The following TNRC6B variants were observed in gnomAD, a reference collection of about 807,000 sequenced individuals.
TNRC6B encodes the protein trinucleotide repeat containing adaptor 6B, also known as trinucleotide repeat-containing gene 6B protein.
Under a neutral mutation model 203.6 loss-of-function variants are expected in TNRC6B, and 52 were observed. That is an observed-to-expected ratio of 0.26 (90% CI 0.20 to 0.32). The LOEUF (loss-of-function observed/expected upper bound fraction) is 0.32, where lower values mean the gene tolerates loss of function less well. TNRC6B is among the 10% of genes least tolerant of loss of function. The pLI, the probability that TNRC6B is intolerant of heterozygous loss-of-function variation, is 1.00. For synonymous variants in TNRC6B, 838 were observed against 845.7 expected (o/e 0.99, Z 0.16); for missense variants, 1,923 against 2,286.2 (o/e 0.84, Z 3.24).
At chr22:40,093,598 A>AGT (rs1225412729) in intron 1 of TNRC6B, among the ~76,000 whole-genome samples, 9 of 152,244 alleles carry the variant, frequency 5.9e-5, no homozygotes, top group Non-Finnish European at 1.5e-5. Context: ...TCATCGTCAA[A>AGT]GTGCTGGAAG....
chr22:40,334,100 C>G lies in TNRC6B; in HGVS notation c.*10859C>G, dbSNP rs1400148449. 1 of 152,580 alleles carries G rather than the reference C, an allele frequency of 6.6e-6. No homozygotes were observed. The highest frequency in any genetic ancestry group is 1.5e-5 in the Non-Finnish European group (1 of 68,044). 9.5% of individuals were successfully genotyped at this position (152,580 alleles called of 1,614,324 possible). A position where few individuals can be genotyped will look rare whatever the true frequency, so the allele number is the denominator to read the frequency against. On this transcript the variant is annotated 3_prime_UTR_variant, in exon 23 of 23. Transcript: ENST00000454349. ...GTTTATCTGGAGGCCCTTTTTCTAT[C>G]AGTCTCTGATCCCTCATGGGTTCTG... is the stretch of plus-strand genomic sequence containing the variant.
chr22:40,303,772 G>A (rs1005638675), intron 15 of TNRC6B, among the ~76,000 whole-genome samples: 8 of 152,116 alleles, frequency 5.3e-5, no homozygotes, highest in Non-Finnish European at 1.0e-4. Context: ...TTAATTGGAC[G>A]TGGTGGTGTG....
At position 40,119,023 on chromosome 22, in the gene TNRC6B, T is replaced by G. The variant is rs541302016; in HGVS notation, c.-47+1895T>G. On this transcript the variant is annotated intron_variant, in intron 2 of 23. Transcript: ENST00000301923. ...AGATGTTCATTACGGCTGGAACAAA[T>G]GGAACAGAGACCAGGCAGACGAGGC... is the stretch of plus-strand genomic sequence containing the variant. Among the ~76,000 whole-genome samples, 8 of 152,228 alleles carry G rather than the reference T, an allele frequency of 5.3e-5. No individual in the cohort carries two copies. In the South Asian group the frequency reaches 1.5e-3, roughly 28 times the overall value.
chr22:40,192,419 A>T (rs898755927), intron 1 of TNRC6B, among the ~76,000 whole-genome samples: 2 of 152,092 alleles, frequency 1.3e-5, no homozygotes, highest in African/African-American at 4.8e-5. Flanking sequence ...GGAGTTGGAG[A>T]CAGCCTAGCC....
At chr22:40,236,939 C>T (rs1048176504) in intron 1 of TNRC6B, among the ~76,000 whole-genome samples, 4 of 151,922 alleles carry the variant, frequency 2.6e-5, no homozygotes, top group South Asian at 2.1e-4. Flanking sequence ...TCGAGGCGGG[C>T]GGATTATCTG....
chr22:40,245,319 G>A (rs2070091049), intron 1 of TNRC6B, among the ~76,000 whole-genome samples: 1 of 152,042 alleles, frequency 6.6e-6, no homozygotes, highest in Admixed American at 6.6e-5. Flanking sequence ...TCGAACTCCT[G>A]ACCTCAAGTG....
chr22:40,225,354 G>A (rs1230775501), intron 1 of TNRC6B, among the ~76,000 whole-genome samples: 1 of 152,204 alleles, frequency 6.6e-6, no homozygotes, highest in Non-Finnish European at 1.5e-5. Context: ...GATCAATGAT[G>A]TGTAGAAAGC....
intron 2 of TNRC6B, among the ~76,000 whole-genome samples, chr22:40,119,346 G>A (rs529498810): frequency 6.6e-6 from 1 of 152,306 alleles, no homozygotes; most frequent in African/African-American, 2.4e-5. Flanking sequence ...CACTTTGGGA[G>A]GCCTAGGCGG....
chr22:40,138,179 A>G (rs908921144), intron 3 of TNRC6B, among the ~76,000 whole-genome samples: 2 of 152,156 alleles, frequency 1.3e-5, no homozygotes, highest in Non-Finnish European at 2.9e-5. Flanking sequence ...GAAGGATGGG[A>G]GGAGAGCACA....
Position 40,334,753 on chromosome 22 carries a change from C to T in TNRC6B, c.*11512C>T, listed in dbSNP as rs1326617855. 1 of 152,480 alleles carries T rather than the reference C, an allele frequency of 6.6e-6. No individual in the cohort carries two copies. Among genetic ancestry groups the T allele is most frequent in the Non-Finnish European group, 1.5e-5 (1 of 68,028 alleles). 9.4% of individuals were successfully genotyped at this position (152,480 alleles called of 1,614,324 possible). A position where few individuals can be genotyped will look rare whatever the true frequency, so the allele number is the denominator to read the frequency against. On this transcript the variant is annotated 3_prime_UTR_variant, in exon 23 of 23. Transcript: ENST00000454349. ...GCAGAGGAGGATAGGTAGAGAAGTA[C>T]CATTTTAATTATTTGTGACTTGTGG...
At chr22:40,118,406 G>T (rs2068411143) in intron 2 of TNRC6B, among the ~76,000 whole-genome samples, 3 of 152,090 alleles carry the variant, frequency 2.0e-5, no homozygotes, top group Admixed American at 2.0e-4. Context: ...AAAATATCAG[G>T]ATTAGAAAGT....
chr22:40,272,384 T>C (rs117235554), intron 6 of TNRC6B, among the ~76,000 whole-genome samples: 1 of 152,290 alleles, frequency 6.6e-6, no homozygotes, highest in East Asian at 1.9e-4. Context: ...TTGTCTATCA[T>C]AGGCCTGATC....
intron 1 of TNRC6B, among the ~76,000 whole-genome samples, chr22:40,225,313 A>C (rs1450292706): frequency 4.6e-5 from 7 of 152,230 alleles, no homozygotes; most frequent in Admixed American, 4.6e-4. Context: ...AAATACAAAA[A>C]TACTGTATGC....
At chr22:40,072,974 TATAAG>T (rs1003082727) in intron 1 of TNRC6B, among the ~76,000 whole-genome samples, 5 of 151,102 alleles carry the variant, frequency 3.3e-5, no homozygotes, top group South Asian at 2.1e-4. Flanking sequence ...ATAATGAGGC[TATAAG>T]ATATTTCCTT....
At chr22:40,277,935 T>G in intron 8 of TNRC6B, 64 bp from the exon 9 acceptor site, 1 of 1,282,464 alleles carries the variant, frequency 7.8e-7, no homozygotes, top group Non-Finnish European at 1.1e-6. Flanking sequence ...AGGTGAATAA[T>G]GCCACTTCTT....
chr22:40,321,001 T>G, intron 21 of TNRC6B, 89 bp from the exon 22 acceptor site: 1 of 1,494,806 alleles, frequency 6.7e-7, no homozygotes, highest in Non-Finnish European at 9.2e-7. Flanking sequence ...ATGGGCACAC[T>G]AGGTCTCAGC....
chr22:40,123,931 G>A (rs1342851890), intron 2 of TNRC6B, among the ~76,000 whole-genome samples: 1 of 149,072 alleles, frequency 6.7e-6, no homozygotes, highest in African/African-American at 2.5e-5. Flanking sequence ...TGATAAATAG[G>A]TGAGGGACAA....
In TNRC6B at chr22:40,251,206, A is replaced by T. The variant is rs1201654018; in HGVS notation, c.115+6A>T. On this transcript the variant is annotated splice_donor_region_variant and intron_variant, in intron 3 of 22. Coordinates refer to ENST00000454349, the MANE Select transcript of TNRC6B (RefSeq NM_001162501.2). Reference sequence around the variant, plus strand: ...CACGGAACAAAAAACCAAAGGTAAGATCTTTTTTTTCTTTTTAAATTATTT... The same window carrying T: ...CACGGAACAAAAAACCAAAGGTAAGTTCTTTTTTTTCTTTTTAAATTATTT... 1 of 1,530,618 alleles carries T rather than the reference A, an allele frequency of 6.5e-7. No homozygotes were observed. The highest frequency in any genetic ancestry group is 2.5e-5 in the East Asian group (1 of 40,666). 94.8% of individuals were successfully genotyped at this position (1,530,618 alleles called of 1,614,324 possible). A position where few individuals can be genotyped will look rare whatever the true frequency, so the allele number is the denominator to read the frequency against.
intron 1 of TNRC6B, among the ~76,000 whole-genome samples, chr22:40,203,756 G>T (rs2069443426): frequency 6.6e-6 from 1 of 152,180 alleles, no homozygotes; most frequent in South Asian, 2.1e-4. Flanking sequence ...CACATGGCAG[G>T]TGCTGCTGAG....
Sources: allele counts gnomAD v4.1 joint callset (sites outside exome capture counted in the v4.1 genomes callset), GRCh38; gene constraint gnomAD v4.1.1; transcripts MANE v1.5; gene names NCBI Gene and HGNC (gene_info 2026-07-23, HGNC 2026-07-21).